Variants in RAMP1 observed in about 807,000 individuals in gnomAD.
RAMP1 encodes the protein receptor activity modifying protein 1, also known as receptor activity-modifying protein 1.
A neutral mutation model predicts 8.2 loss-of-function variants in RAMP1; 7 were observed. The observed-to-expected ratio is 0.85, with a 90% CI of 0.49 to 1.60. RAMP1 has a LOEUF of 1.60. Ranked by LOEUF, RAMP1 falls within the 40% of genes most tolerant of loss-of-function variation. The pLI is 0.00. For synonymous variants in RAMP1, 92 were observed against 84.7 expected (o/e 1.09, Z -0.47); for missense variants, 192 against 202.4 (o/e 0.95, Z 0.31).
rs958027079 is a variant in RAMP1, at chr2:237,878,738, C to T, written c.191+1376C>T. Among the ~76,000 whole-genome samples the T allele has an allele frequency of 2.0e-5, 3 of 152,250 alleles. No individual in the cohort carries two copies. Among genetic ancestry groups the T allele is most frequent in the African/African-American group, 7.2e-5 (3 of 41,468 alleles). On this transcript the variant is annotated intron_variant, in intron 2 of 2. Coordinates refer to ENST00000254661, the MANE Select transcript of RAMP1 (RefSeq NM_005855.4). This position sits in a 1 kb window ranked among gnomAD's most constrained non-coding sequence, Gnocchi z 5.7. ...TCAGTGCACTGTTGTTGAGGCGACT[C>T]TGTACCTTGGGAGCCCAAACTTTTT... is the stretch of plus-strand genomic sequence containing the variant.
chr2:237,892,240 T>C (rs1379810027), intron 2 of RAMP1, among the ~76,000 whole-genome samples: 1 of 152,038 alleles, frequency 6.6e-6, no homozygotes, highest in Non-Finnish European at 1.5e-5. Context: ...TTTCCCTCAA[T>C]TGTTGAAACA....
chr2:237,887,384 C>T (rs1332289297), intron 2 of RAMP1, among the ~76,000 whole-genome samples: 1 of 152,060 alleles, frequency 6.6e-6, no homozygotes, highest in Non-Finnish European at 1.5e-5. Context: ...GTGCATAGTT[C>T]GAGGACACCG....
rs371282875 is a variant in RAMP1 at position 237,905,943 on chromosome 2, G to A, written c.192-5585G>A. Among the ~76,000 whole-genome samples, 17 of 151,020 alleles carry A rather than the reference G, an allele frequency of 1.1e-4. No homozygotes were observed. The East Asian group carries it at 1.2e-3, about 10-fold the overall frequency. ...GGAGAATCGCTTGAACCTGGGAAGC[G>A]GAGGTTGCAGTGAGCTGAGATTGTA... On this transcript the variant is annotated intron_variant, in intron 2 of 2. Coordinates refer to ENST00000254661, the MANE Select transcript of RAMP1 (RefSeq NM_005855.4).
In RAMP1 at chr2:237,865,458, A is replaced by G. The variant is rs2062178489; in HGVS notation, c.52+5731A>G. On this transcript the variant is annotated intron_variant, in intron 1 of 2. Transcript: ENST00000254661. This position sits in a 1 kb window ranked among gnomAD's most constrained non-coding sequence, Gnocchi z 4.2. ...CTGGAATTTCAGATAAACAAGAAGC[A>G]TAAGCCTGTCTCATACAGTATCGGG... Among the ~76,000 whole-genome samples, 1 of 152,030 alleles carries G rather than the reference A, an allele frequency of 6.6e-6. No individual in the cohort carries two copies. The highest frequency in any genetic ancestry group is 2.4e-5 in the African/African-American group (1 of 41,382).
intron 1 of RAMP1, among the ~76,000 whole-genome samples, chr2:237,868,577 C>CAAA (rs1252542718): frequency 1.1e-5 from 1 of 89,444 alleles, no homozygotes; most frequent in Non-Finnish European, 2.3e-5. Context: ...CTCCCCCCAC[C>CAAA]AAAAAAAAAA....
At chr2:237,880,012 T>C (rs1202412377) in intron 2 of RAMP1, among the ~76,000 whole-genome samples, 2 of 87,964 alleles carry the variant, frequency 2.3e-5, no homozygotes, top group Non-Finnish European at 4.5e-5. Context: ...AAAAAAAAAA[T>C]CAAGATAATT....
intron 1 of RAMP1, among the ~76,000 whole-genome samples, chr2:237,868,082 C>T (rs2062207244): frequency 6.8e-6 from 1 of 146,670 alleles, no homozygotes; most frequent in Middle Eastern, 3.5e-3. Context: ...CTTGCTCTGT[C>T]GCCCAGGCTG....
intron 2 of RAMP1, among the ~76,000 whole-genome samples, chr2:237,879,989 CAA>C (rs35678960): frequency 1.2e-4 from 9 of 75,856 alleles, no homozygotes; most frequent in Admixed American, 1.6e-4. Context: ...GACTTTGTCT[CAA>C]AAAAAAAAAA....
chr2:237,859,571 G>GCCCGCT, upstream of RAMP1: 1 of 822,978 alleles, frequency 1.2e-6, no homozygotes, highest in Non-Finnish European at 1.5e-6. Flanking sequence ...CCGCTCCCGC[G>GCCCGCT]CCCGCTCCCG....
chr2:237,908,408 C>G (rs2062674052), intron 2 of RAMP1, among the ~76,000 whole-genome samples: 1 of 62,282 alleles, frequency 1.6e-5, no homozygotes, highest in Admixed American at 1.9e-4. Context: ...GAGAAGAGAC[C>G]TCTGGTGGTG....
chr2:237,881,265 G>A (rs2151011127), intron 2 of RAMP1, among the ~76,000 whole-genome samples: 1 of 152,300 alleles, frequency 6.6e-6, no homozygotes, highest in South Asian at 2.1e-4. Flanking sequence ...TTTTACAGCT[G>A]TATAGTACTC....
intron 2 of RAMP1, among the ~76,000 whole-genome samples, chr2:237,896,004 C>T (rs538324658): frequency 6.6e-6 from 1 of 152,294 alleles, no homozygotes; most frequent in South Asian, 2.1e-4. Context: ...TGCCAGGACA[C>T]CTCCCAGGGG....
chr2:237,899,391 A>G (rs1421672086), intron 2 of RAMP1, among the ~76,000 whole-genome samples: 2 of 152,202 alleles, frequency 1.3e-5, no homozygotes, highest in Non-Finnish European at 2.9e-5. Context: ...TTTTTATCAC[A>G]TGAAGAAAAT....
chr2:237,875,245 G>C (rs1309661134), intron 1 of RAMP1, among the ~76,000 whole-genome samples: 1 of 152,144 alleles, frequency 6.6e-6, no homozygotes, highest in African/African-American at 2.4e-5. Flanking sequence ...AAGCCCCCAG[G>C]GTGGGGGGTG....
chr2:237,873,018 G>A lies in RAMP1; in HGVS notation c.53-4206G>A, dbSNP rs528315948. Among the ~76,000 whole-genome samples, 41 of 152,290 alleles carry A rather than the reference G, an allele frequency of 2.7e-4. No homozygotes were observed. The South Asian group carries it at 6.2e-3, about 23-fold the overall frequency. On this transcript the variant is annotated intron_variant, in intron 1 of 2. Transcript: ENST00000254661. ...AGCCTGGGCAACAGACCAAGACCCCGTCTCAAAATCAAATAAAATAAACAG... is the reference window on the plus strand; with the variant it reads ...AGCCTGGGCAACAGACCAAGACCCCATCTCAAAATCAAATAAAATAAACAG...
chr2:237,881,880 C>T (rs2062372482), intron 2 of RAMP1, among the ~76,000 whole-genome samples: 1 of 150,710 alleles, frequency 6.6e-6, no homozygotes, highest in African/African-American at 2.4e-5. Flanking sequence ...GTTTTTGTTG[C>T]CACACAATTT....
At chr2:237,905,712 T>G (rs924657017) in intron 2 of RAMP1, among the ~76,000 whole-genome samples, 2 of 152,100 alleles carry the variant, frequency 1.3e-5, no homozygotes, top group African/African-American at 4.8e-5. Context: ...GGATCATCAT[T>G]CAAAGCAGGC....
At position 237,859,645 on chromosome 2, in the gene RAMP1, G is replaced by A. The variant is rs758236215; in HGVS notation, c.-31G>A. The A allele has an allele frequency of 1.6e-5, 23 of 1,437,708 alleles. No individual in the cohort carries two copies. The highest frequency in any genetic ancestry group is 1.4e-4 in the South Asian group (10 of 71,070). 89.1% of individuals were successfully genotyped at this position (1,437,708 alleles called of 1,614,324 possible). Reference sequence around the variant, plus strand: ...CTCAGTCCTCAGCGGGGCGCGTGGCGAGCGGACTCGACTCGGCACCGCTGT... The same window carrying A: ...CTCAGTCCTCAGCGGGGCGCGTGGCAAGCGGACTCGACTCGGCACCGCTGT... On this transcript the variant is annotated 5_prime_UTR_variant, in exon 1 of 3. Transcript: ENST00000254661.
At chr2:237,891,762 C>A (rs1424442825) in intron 2 of RAMP1, among the ~76,000 whole-genome samples, 1 of 152,148 alleles carries the variant, frequency 6.6e-6, no homozygotes, top group African/African-American at 2.4e-5. Flanking sequence ...TGATCTTCAG[C>A]TCCTTTATGT....
Sources: gnomAD v4.1 joint callset for allele counts (sites outside exome capture counted in the v4.1 genomes callset) on GRCh38, gnomAD v4.1.1 for gene constraint, Gnocchi (gnomAD v3.1) non-coding constraint, MANE v1.5 for transcripts, NCBI Gene and HGNC (gene_info 2026-07-23, HGNC 2026-07-21) for gene names.